NPFFR2: variants seen among roughly 807,000 people sequenced by gnomAD.
NPFFR2 encodes the protein G-protein coupled receptor 74.
In NPFFR2, 15 loss-of-function variants were observed where a neutral mutation model predicts 13.1. That is an observed-to-expected ratio of 1.15 (90% CI 0.77 to 1.76). The LOEUF (loss-of-function observed/expected upper bound fraction) is 1.76. Among genes scored for constraint, NPFFR2 ranks in the 40% most tolerant of loss-of-function variants. NPFFR2 has a pLI of 0.00. For synonymous variants in NPFFR2, 190 were observed against 175.7 expected (o/e 1.08, Z -0.65); for missense variants, 572 against 503.5 (o/e 1.14, Z -1.30).
chr4:72,081,158 G>A (rs115933534), intron 1 of NPFFR2, among the ~76,000 whole-genome samples: 2,760 of 152,196 alleles, frequency 0.018, 92 homozygotes, highest in African/African-American at 0.062. Context: ...TCTTGTCTAA[G>A]ACAGGAACGG....
chr4:72,122,377 G>GT (rs1197332662), intron 1 of NPFFR2, among the ~76,000 whole-genome samples: 4 of 152,154 alleles, frequency 2.6e-5, no homozygotes, highest in Admixed American at 2.6e-4. Context: ...TTCAGGACTT[G>GT]AACTCAGCTC....
chr4:72,122,922 T>C (rs1439859855), intron 1 of NPFFR2, among the ~76,000 whole-genome samples: 6 of 152,040 alleles, frequency 3.9e-5, no homozygotes, highest in Admixed American at 3.3e-4. Context: ...CTGAAGGAGA[T>C]AGAGACATGA....
chr4:72,069,967 G>A (rs1199209094), intron 1 of NPFFR2, among the ~76,000 whole-genome samples: 1 of 152,050 alleles, frequency 6.6e-6, no homozygotes, highest in Non-Finnish European at 1.5e-5. Context: ...TGTATATCAA[G>A]TCATATATTC....
intron 1 of NPFFR2, among the ~76,000 whole-genome samples, chr4:72,071,640 G>A (rs1720260627): frequency 6.6e-6 from 1 of 152,104 alleles, no homozygotes. Context: ...CACATGACAG[G>A]TAGATCTGCA....
chr4:72,087,175 T>C (rs960719393), intron 1 of NPFFR2, among the ~76,000 whole-genome samples: 4 of 152,058 alleles, frequency 2.6e-5, no homozygotes, highest in Non-Finnish European at 5.9e-5. Flanking sequence ...TGCCAGCTCG[T>C]AGGAGTTCGA....
In NPFFR2 at chr4:72,048,139, C is replaced by T. The variant is rs541757116; in HGVS notation, c.-8+15939C>T. ...CCTGCCATATATATATACACACGTA[C>T]GTAAATGCACAGAGAGCATATGCAC... is the stretch of plus-strand genomic sequence containing the variant. On this transcript the variant is annotated intron_variant, in intron 1 of 3. Coordinates refer to ENST00000308744, the MANE Select transcript of NPFFR2 (RefSeq NM_004885.3). 1.0e-3 allele frequency among the ~76,000 whole-genome samples: 152 copies of T among 152,078 alleles called. 1 individual carries two copies. In the Middle Eastern group the frequency reaches 0.014, roughly 14 times the overall value.
At chr4:72,139,825 T>A (rs1722541292) in intron 3 of NPFFR2, among the ~76,000 whole-genome samples, 1 of 152,202 alleles carries the variant, frequency 6.6e-6, no homozygotes, top group African/African-American at 2.4e-5. Flanking sequence ...GGAGATGGCA[T>A]TGAATCTATA....
chr4:72,101,976 C>T (rs1442838978), intron 1 of NPFFR2, among the ~76,000 whole-genome samples: 1 of 152,082 alleles, frequency 6.6e-6, no homozygotes, highest in Admixed American at 6.6e-5. Flanking sequence ...CAAAAAGCCA[C>T]AGGATATGCA....
rs1203904429 is a variant in NPFFR2 at position 72,147,277 on chromosome 4, G to C, written c.728G>C (p.Gly243Ala). 2 of 1,614,128 alleles carry C rather than the reference G, an allele frequency of 1.2e-6. No homozygotes were observed. Among genetic ancestry groups the C allele is most frequent in the Non-Finnish European group, 1.7e-6 (2 of 1,180,018 alleles). ...SLIVIMYGRI[G>A]ISLFRAAVPH... ...ATTGTCATCATGTATGGAAGGATTGGAATTTCACTCTTCAGGGCTGCAGTT... is the reference window on the plus strand; with the variant it reads ...ATTGTCATCATGTATGGAAGGATTGCAATTTCACTCTTCAGGGCTGCAGTT... Residue 243 changes from glycine to alanine, a missense_variant, in exon 4 of 4, where the codon GGA (glycine) becomes GCA (alanine). By Grantham distance (60) the Gly-to-Ala change is moderately conservative. Transcript: ENST00000308744.
intron 1 of NPFFR2, among the ~76,000 whole-genome samples, chr4:72,066,717 T>TC (rs1448146754): frequency 6.6e-6 from 1 of 152,138 alleles, no homozygotes. Context: ...CAAACAACAC[T>TC]CTATCTTAAG....
rs147052940 is a variant in NPFFR2, at chr4:72,141,626, A to C, written c.428+3487A>C. Among the ~76,000 whole-genome samples, 994 of 152,238 alleles carry C rather than the reference A, an allele frequency of 6.5e-3. 4 individuals carry two copies. Among genetic ancestry groups the C allele is most frequent in the Non-Finnish European group, 0.01 (700 of 68,016 alleles). ...TTGATTGCACTGTGGTCTGAGTGAC[A>C]GTTTGTTGTGATTTCTGTTCTTTTA... is the stretch of plus-strand genomic sequence containing the variant. On this transcript the variant is annotated intron_variant, in intron 3 of 3. Transcript: ENST00000308744.
In NPFFR2 at chr4:72,124,226, A is replaced by T. The variant is rs554163522; in HGVS notation, c.-7-4359A>T. On this transcript the variant is annotated intron_variant, in intron 1 of 3. Transcript: ENST00000308744. ...ACAAGGTATGTGAAGGACCTCTTCA[A>T]GGAGAACTACAAACCACTGCTCAAG... Among the ~76,000 whole-genome samples, 9 of 152,344 alleles carry T rather than the reference A, an allele frequency of 5.9e-5. No individual in the cohort carries two copies. In the East Asian group the frequency reaches 1.7e-3, roughly 29 times the overall value.
chr4:72,111,196 A>G (rs1179044080), intron 1 of NPFFR2, among the ~76,000 whole-genome samples: 2 of 151,986 alleles, frequency 1.3e-5, no homozygotes, highest in African/African-American at 2.4e-5. Flanking sequence ...AATATAATCA[A>G]TTTACTAACT....
intron 1 of NPFFR2, among the ~76,000 whole-genome samples, chr4:72,103,372 G>A (rs1263809638): frequency 6.6e-6 from 1 of 152,090 alleles, no homozygotes; most frequent in Non-Finnish European, 1.5e-5. Context: ...AAGAGGATTT[G>A]CTCTCTTGTG....
intron 1 of NPFFR2, among the ~76,000 whole-genome samples, chr4:72,045,142 G>A (rs1436237644): frequency 1.3e-5 from 2 of 151,950 alleles, no homozygotes; most frequent in African/African-American, 2.4e-5. Context: ...TATTGAAGAG[G>A]GTGTTCTTTC....
chr4:72,142,566 G>A (rs571985002), intron 3 of NPFFR2, among the ~76,000 whole-genome samples: 9 of 152,228 alleles, frequency 5.9e-5, no homozygotes, highest in South Asian at 4.2e-4. Flanking sequence ...ATTTTGGAAC[G>A]GAACCTGAGA....
chr4:72,092,540 T>A (rs1379016187), intron 1 of NPFFR2, among the ~76,000 whole-genome samples: 2 of 152,136 alleles, frequency 1.3e-5, no homozygotes, highest in Non-Finnish European at 2.9e-5. Context: ...GCATATGTAT[T>A]TTGGATTGTG....
intron 1 of NPFFR2, among the ~76,000 whole-genome samples, chr4:72,105,945 A>G (rs1373104404): frequency 1.3e-5 from 2 of 151,992 alleles, no homozygotes; most frequent in African/African-American, 2.4e-5. Context: ...CCCCAAGACT[A>G]TTATTGAGAC....
intron 1 of NPFFR2, among the ~76,000 whole-genome samples, chr4:72,109,297 C>T (rs567912853): frequency 2.0e-5 from 3 of 151,984 alleles, no homozygotes; most frequent in Non-Finnish European, 2.9e-5. Context: ...TCCCATTTTT[C>T]CCTCCTTTTA....
Sources: allele counts gnomAD v4.1 joint callset (sites outside exome capture counted in the v4.1 genomes callset), GRCh38; gene constraint gnomAD v4.1.1; transcripts MANE v1.5; gene names NCBI Gene and HGNC (gene_info 2026-07-23, HGNC 2026-07-21).